The following PCDH7 variants were observed in gnomAD, a reference collection of about 807,000 sequenced individuals.
The protein encoded by PCDH7 is protocadherin-7.
A neutral mutation model predicts 58.9 loss-of-function variants in PCDH7; 17 were observed. The ratio of observed to expected loss-of-function variants is 0.29; its 90% CI spans 0.20 to 0.43. PCDH7 has a LOEUF of 0.43. Ranked by LOEUF, PCDH7 falls within the 20% of genes least tolerant of loss-of-function variation. PCDH7 has a pLI of 1.00. For synonymous variants in PCDH7, 664 were observed against 616.4 expected, an observed-to-expected ratio of 1.08 and a Z score of -1.14; for missense variants, 1,274 against 1,441.0, an observed-to-expected ratio of 0.88 and a Z score of 1.88.
At chr4:30,777,104 G>C (rs80032747) in intron 1 of PCDH7, among the ~76,000 whole-genome samples, 1 of 151,984 alleles carries the variant, frequency 6.6e-6, no homozygotes, top group Non-Finnish European at 1.5e-5. Flanking sequence ...CAAAGACCAG[G>C]GTGAGACTTC....
At chr4:30,920,300 C>T in exon 2 of PCDH7, 3 of 1,367,514 alleles carry the variant, frequency 2.2e-6, no homozygotes, top group Non-Finnish European at 2.9e-6. Flanking sequence ...TGCGCTTCCA[C>T]TCCCAGAGGA....
intron 3 of PCDH7, among the ~76,000 whole-genome samples, chr4:31,104,153 A>G (rs140502856): frequency 2.0e-5 from 3 of 152,272 alleles, no homozygotes; most frequent in Admixed American, 6.5e-5. Flanking sequence ...AAGTTTCTCA[A>G]TATTTGTCTT....
intron 3 of PCDH7, among the ~76,000 whole-genome samples, chr4:31,006,971 T>C (rs180993927): frequency 6.6e-5 from 10 of 152,190 alleles, no homozygotes; most frequent in African/African-American, 2.4e-4. Context: ...TATAGCTATT[T>C]TAACAGCCTA....
At chr4:30,977,833 A>T (rs1389689054) in intron 3 of PCDH7, among the ~76,000 whole-genome samples, 2 of 152,100 alleles carry the variant, frequency 1.3e-5, no homozygotes, top group Non-Finnish European at 2.9e-5. Flanking sequence ...AAGTTATTTT[A>T]ATGTTTTAAG....
intron 3 of PCDH7, among the ~76,000 whole-genome samples, chr4:31,118,871 A>G (rs535220230): frequency 1.3e-5 from 2 of 152,318 alleles, no homozygotes; most frequent in Non-Finnish European, 2.9e-5. Flanking sequence ...AAGGAAAAGA[A>G]AGGAAAAAAG....
intron 3 of PCDH7, among the ~76,000 whole-genome samples, chr4:31,132,825 G>T (rs1719151519): frequency 6.6e-6 from 1 of 152,156 alleles, no homozygotes; most frequent in South Asian, 2.1e-4. Context: ...CAAGACACTG[G>T]TTTGAAGCAA....
At chr4:31,142,920 G>A in exon 4 of PCDH7, 1 of 1,166,976 alleles carries the variant, frequency 8.6e-7, no homozygotes, top group Admixed American at 2.6e-5. Flanking sequence ...ACCTTACAAA[G>A]CAAAACGTTT....
chr4:30,921,490 T>A (rs555910496), intron 2 of PCDH7, among the ~76,000 whole-genome samples: 4 of 152,238 alleles, frequency 2.6e-5, no homozygotes, highest in Admixed American at 6.5e-5. Context: ...TAGAATATAA[T>A]ATATTATAAA....
Position 31,116,758 on chromosome 4 carries a change from T to C in PCDH7, c.*8-25715T>C, listed in dbSNP as rs555603698. ...TGTGAGTGTCAATAGTAAGTGTGTA[T>C]GTAGCACTATACCATAAATAACATA... On this transcript the variant is annotated intron_variant, in intron 3 of 3. Coordinates refer to the PCDH7 transcript ENST00000509759. Among the ~76,000 whole-genome samples, 4 of 152,334 alleles carry C rather than the reference T, an allele frequency of 2.6e-5. No homozygotes were observed. The South Asian group carries it at 6.2e-4, about 24-fold the overall frequency.
chr4:30,824,099 CTT>C (rs779300865), intron 1 of PCDH7, among the ~76,000 whole-genome samples: 1 of 111,308 alleles, frequency 9.0e-6, no homozygotes, highest in South Asian at 3.6e-4. Flanking sequence ...TTCTTTCTTT[CTT>C]TCTTTCTTTC....
At chr4:30,758,676 A>C (rs1252281779) in intron 1 of PCDH7, among the ~76,000 whole-genome samples, 1 of 152,186 alleles carries the variant, frequency 6.6e-6, no homozygotes, top group African/African-American at 2.4e-5. Flanking sequence ...GCATCGGTGG[A>C]CAGGAAGGGA....
intron 2 of PCDH7, among the ~76,000 whole-genome samples, chr4:30,924,653 T>G (rs1422109543): frequency 5.3e-5 from 8 of 152,128 alleles, no homozygotes. Flanking sequence ...GAGACAGCTG[T>G]GGAGCCTCCT....
intron 1 of PCDH7, among the ~76,000 whole-genome samples, chr4:30,793,285 G>A (rs1051790048): frequency 1.3e-5 from 2 of 152,120 alleles, no homozygotes; most frequent in African/African-American, 4.8e-5. Context: ...AATACAATAT[G>A]TATCTTGCAC....
At chr4:30,824,165 G>A (rs1040508974) in intron 1 of PCDH7, among the ~76,000 whole-genome samples, 36 of 101,006 alleles carry the variant, frequency 3.6e-4, no homozygotes, top group Non-Finnish European at 3.0e-4. Context: ...CTTTCTTTTT[G>A]CTTCCCTCAT....
At chr4:30,911,088 C>G (rs1438683831) in intron 1 of PCDH7, among the ~76,000 whole-genome samples, 1 of 152,054 alleles carries the variant, frequency 6.6e-6, no homozygotes, top group Non-Finnish European at 1.5e-5. Flanking sequence ...TGTTCTCACT[C>G]ATAAGTGGGA....
At chr4:30,875,584 G>A (rs766490163) in intron 1 of PCDH7, among the ~76,000 whole-genome samples, 7 of 152,042 alleles carry the variant, frequency 4.6e-5, no homozygotes, top group Non-Finnish European at 1.0e-4. Context: ...ACTTTCAAGA[G>A]TATTTAGTTA....
intron 3 of PCDH7, among the ~76,000 whole-genome samples, chr4:31,061,376 A>G (rs994058044): frequency 6.6e-6 from 1 of 151,680 alleles, no homozygotes; most frequent in African/African-American, 2.4e-5. Flanking sequence ...GGGTGTTTAG[A>G]TAATAATATG....
chr4:31,060,841 A>T (rs544399598), intron 3 of PCDH7, among the ~76,000 whole-genome samples: 39 of 151,832 alleles, frequency 2.6e-4, no homozygotes, highest in Non-Finnish European at 4.6e-4. Context: ...TTATTTATTG[A>T]ATGTCAGTTT....
At chr4:30,940,565 T>C (rs1745907525) in intron 2 of PCDH7, among the ~76,000 whole-genome samples, 1 of 152,066 alleles carries the variant, frequency 6.6e-6, no homozygotes, top group Non-Finnish European at 1.5e-5. Flanking sequence ...TTATACAGTA[T>C]TCTTAAAATA....
Sources: gnomAD v4.1 joint callset for allele counts (sites outside exome capture counted in the v4.1 genomes callset) on GRCh38, gnomAD v4.1.1 for gene constraint, MANE v1.5 for transcripts, NCBI Gene and HGNC (gene_info 2026-07-23, HGNC 2026-07-21) for gene names.